STX2: variants seen among roughly 807,000 people sequenced by gnomAD.
STX2 encodes the protein syntaxin-2.
A neutral mutation model predicts 40.6 loss-of-function variants in STX2; 27 were observed. The ratio of observed to expected loss-of-function variants is 0.66; its 90% CI spans 0.49 to 0.92. The LOEUF is 0.92. Among genes scored for constraint, STX2 ranks in the 40% least tolerant of loss-of-function variants. The pLI is 0.00. For missense variants in STX2, 328 were observed against 366.1 expected, an observed-to-expected ratio of 0.90 and a Z score of 0.85; for synonymous variants, 123 against 119.1, an observed-to-expected ratio of 1.03 and a Z score of -0.22.
At chr12:130,821,657 C>A (rs1215153312) in intron 3 of STX2, 32 bp downstream of exon 3, 4 of 1,562,392 alleles carry the variant, frequency 2.6e-6, no homozygotes, top group Middle Eastern at 1.7e-4. Flanking sequence ...CACAGACAGA[C>A]AAACGTTTTG....
intron 1 of STX2, among the ~76,000 whole-genome samples, chr12:130,836,329 G>A (rs1230959832): frequency 6.6e-6 from 1 of 152,082 alleles, no homozygotes; most frequent in African/African-American, 2.4e-5. Flanking sequence ...GGAGGGCAGT[G>A]GCAAAATCTT....
At chr12:130,819,011 A>C (rs113712736) in intron 3 of STX2, among the ~76,000 whole-genome samples, 3,940 of 152,360 alleles carry the variant, frequency 0.026, 160 homozygotes, top group African/African-American at 0.083. Context: ...ATAATACAAA[A>C]GTAGAAAGTG....
chr12:130,810,059 C>T (rs1951590321), intron 4 of STX2, among the ~76,000 whole-genome samples: 1 of 152,110 alleles, frequency 6.6e-6, no homozygotes, highest in Admixed American at 6.6e-5. Flanking sequence ...ATTTGATTAT[C>T]TAGCCCAGTG....
intron 6 of STX2, among the ~76,000 whole-genome samples, chr12:130,802,609 T>G (rs1462413137): frequency 6.6e-6 from 1 of 152,202 alleles, no homozygotes; most frequent in Non-Finnish European, 1.5e-5. Context: ...GCAATCCTCC[T>G]GCTCCAGCCT....
chr12:130,801,128 G>A (rs1279895773), intron 8 of STX2, 25 bp downstream of exon 8: 8 of 1,593,306 alleles, frequency 5.0e-6, no homozygotes, highest in African/African-American at 1.3e-5. Flanking sequence ...TATCTCTCTT[G>A]GAGAATGCAA....
chr12:130,793,869 T>C (rs1215445569), intron 10 of STX2, among the ~76,000 whole-genome samples: 1 of 152,250 alleles, frequency 6.6e-6, no homozygotes, highest in Non-Finnish European at 1.5e-5. Flanking sequence ...ACTGCCTTCC[T>C]ATGCAAAGAT....
At position 130,818,748 on chromosome 12, in the gene STX2, A is replaced by G. The variant is rs150934166; in HGVS notation, c.205+2941T>C. On this transcript the variant is annotated intron_variant, in intron 3 of 10. Transcript: ENST00000392373. ...GGGAACGGCTGAGGGAACAGGAAGC[A>G]GAGAAAACGGGAGCGTGCGCAGCCG... Among the ~76,000 whole-genome samples, 240 of 152,334 alleles carry G rather than the reference A, an allele frequency of 1.6e-3. 1 individual carries two copies. The highest frequency in any genetic ancestry group is 5.1e-3 in the African/African-American group (210 of 41,574).
At chr12:130,826,163 C>T (rs977937302) in intron 2 of STX2, among the ~76,000 whole-genome samples, 1 of 152,224 alleles carries the variant, frequency 6.6e-6, no homozygotes, top group Admixed American at 6.5e-5. Context: ...CGATTTCAGA[C>T]CCTGAGCCCT....
chr12:130,831,737 T>A (rs550143576), intron 1 of STX2, among the ~76,000 whole-genome samples: 347 of 152,336 alleles, frequency 2.3e-3, no homozygotes, highest in African/African-American at 7.8e-3. Context: ...ATTACACTTT[T>A]ATACCTATAA....
chr12:130,828,370 T>C (rs996393322), intron 1 of STX2, among the ~76,000 whole-genome samples: 1 of 149,166 alleles, frequency 6.7e-6, no homozygotes, highest in East Asian at 2.0e-4. Flanking sequence ...TAGGATTACA[T>C]GCACCTGCCA....
At position 130,825,083 on chromosome 12, in the gene STX2, C is replaced by T. The variant is rs1280810832; in HGVS notation, c.105+2110G>A. 4.6e-5 allele frequency among the ~76,000 whole-genome samples: 7 copies of T among 150,560 alleles called. No individual in the cohort carries two copies. In the East Asian group the frequency reaches 1.2e-3, roughly 25 times the overall value. On this transcript the variant is annotated intron_variant, in intron 2 of 10. Transcript: ENST00000392373. ...TTGTCGCCCAAGCTGTTGCCCCAAG[C>T]CGGGGTGCAGTGGCACAATCTCAGC...
At chr12:130,818,587 G>A (rs7299281) in intron 3 of STX2, among the ~76,000 whole-genome samples, 53,864 of 152,014 alleles carry the variant, frequency 0.35, 9,964 homozygotes, top group African/African-American at 0.43. Flanking sequence ...TCCGCACAAG[G>A]AGCCGGGTCT....
intron 9 of STX2, 64 bp downstream of exon 9, chr12:130,798,461 T>A: frequency 8.8e-7 from 1 of 1,133,054 alleles, no homozygotes; most frequent in Non-Finnish European, 1.3e-6. Context: ...CTTACATCAA[T>A]GTATTACAAC....
intron 1 of STX2, among the ~76,000 whole-genome samples, chr12:130,835,418 C>T (rs1449571308): frequency 6.6e-6 from 1 of 152,174 alleles, no homozygotes; most frequent in African/African-American, 2.4e-5. Context: ...ATCATGCAAA[C>T]AATTCCCACA....
intron 8 of STX2, among the ~76,000 whole-genome samples, chr12:130,800,799 G>C (rs754909671): frequency 6.6e-6 from 1 of 152,096 alleles, no homozygotes; most frequent in Non-Finnish European, 1.5e-5. Flanking sequence ...ACATATGTAC[G>C]GGCATACACA....
chr12:130,807,271 C>T (rs2136270357), intron 5 of STX2, among the ~76,000 whole-genome samples, 181 bp from the exon 6 acceptor site: 1 of 151,928 alleles, frequency 6.6e-6, no homozygotes, highest in East Asian at 1.9e-4. Context: ...CATGATCTTA[C>T]CTAATTTTTA....
chr12:130,805,826 C>T (rs1015320726), intron 6 of STX2, among the ~76,000 whole-genome samples: 21 of 152,192 alleles, frequency 1.4e-4, no homozygotes, highest in African/African-American at 5.1e-4. Context: ...ATGTCTGGCA[C>T]ACACTCGAAA....
intron 6 of STX2, among the ~76,000 whole-genome samples, chr12:130,802,621 C>T (rs1293528064): frequency 6.6e-6 from 1 of 152,192 alleles, no homozygotes; most frequent in African/African-American, 2.4e-5. Context: ...CTCCAGCCTC[C>T]CAAGTGACTG....
At chr12:130,837,154 C>T (rs182939330) in intron 1 of STX2, among the ~76,000 whole-genome samples, 1 of 149,412 alleles carries the variant, frequency 6.7e-6, no homozygotes, top group African/African-American at 2.5e-5. Flanking sequence ...GTCACCCAGG[C>T]GGGAGTGCAG....
Sources: allele counts gnomAD v4.1 joint callset (sites outside exome capture counted in the v4.1 genomes callset), GRCh38; gene constraint gnomAD v4.1.1; transcripts MANE v1.5; gene names NCBI Gene and HGNC (gene_info 2026-07-23, HGNC 2026-07-21).